Variants in POU2F1 observed in about 807,000 individuals in gnomAD.
POU2F1 encodes the protein POU class 2 homeobox 1.
A neutral mutation model predicts 84.9 loss-of-function variants in POU2F1; 16 were observed. The observed-to-expected ratio is 0.19, with a 90% confidence interval of 0.13 to 0.29. The LOEUF (loss-of-function observed/expected upper bound fraction) is 0.29. POU2F1 is among the 10% of genes least tolerant of loss of function. The pLI is 1.00. For synonymous variants in POU2F1, 368 were observed against 368.3 expected, an observed-to-expected ratio of 1.00 and a Z score of 0.01; for missense variants, 738 against 942.6, an observed-to-expected ratio of 0.78 and a Z score of 2.84.
chr1:167,422,422 C>T lies in POU2F1; in HGVS notation c.*6612C>T, dbSNP rs1346876980. The T allele has an allele frequency of 1.3e-5, 2 of 152,254 alleles. No individual in the cohort carries two copies. The highest frequency in any genetic ancestry group is 2.4e-5 in the African/African-American group (1 of 41,464). 9.4% of individuals were successfully genotyped at this position (152,254 alleles called of 1,614,324 possible). On this transcript the variant is annotated 3_prime_UTR_variant, in exon 16 of 16. Transcript: ENST00000367866. Reference sequence around the variant, plus strand: ...ACTTTAAAACCTTACTTACTTTTCTCATACCAAGGCTAGTTCTTTCTAGAC... The same window carrying T: ...ACTTTAAAACCTTACTTACTTTTCTTATACCAAGGCTAGTTCTTTCTAGAC...
At chr1:167,377,023 T>G (rs1005343385) in intron 7 of POU2F1, among the ~76,000 whole-genome samples, 7 of 152,128 alleles carry the variant, frequency 4.6e-5, no homozygotes, top group African/African-American at 1.7e-4. Flanking sequence ...GAAAATACAT[T>G]CATAGGCTTA....
chr1:167,258,991 C>T (rs1040228752), intron 1 of POU2F1, among the ~76,000 whole-genome samples: 1 of 152,090 alleles, frequency 6.6e-6, no homozygotes, highest in East Asian at 1.9e-4. Flanking sequence ...GTTTGCTAAC[C>T]CCTGTTTTTA....
At chr1:167,367,897 G>A (rs1026205248) in intron 3 of POU2F1, among the ~76,000 whole-genome samples, 10 of 151,588 alleles carry the variant, frequency 6.6e-5, no homozygotes, top group African/African-American at 1.5e-4. Flanking sequence ...GATTATAGGC[G>A]TACACCATGG....
rs530145295 is a variant in POU2F1 at position 167,370,215 on chromosome 1, G to T, written c.282+1G>T. 11 of 1,597,188 alleles carry T rather than the reference G, an allele frequency of 6.9e-6. No homozygotes were observed. The East Asian group carries it at 2.5e-4, about 36-fold the overall frequency. On this transcript the variant is annotated splice_donor_variant, in intron 4 of 15. Transcript: ENST00000367866. LOFTEE classifies it high-confidence loss of function. The stretch of plus-strand genomic sequence containing the variant: ...TGCTGCTCAGTCTTTAAATGTACAG[G>T]TAAGCTGGGACCTGGGATTATGGGT...
At chr1:167,400,492 G>A (rs749512747) in intron 12 of POU2F1, among the ~76,000 whole-genome samples, 2 of 152,150 alleles carry the variant, frequency 1.3e-5, no homozygotes, top group Non-Finnish European at 2.9e-5. Context: ...TTACACTCAC[G>A]TGATTAAGTG....
At chr1:167,353,938 T>C (rs1658764355) in intron 2 of POU2F1, among the ~76,000 whole-genome samples, 1 of 152,230 alleles carries the variant, frequency 6.6e-6, no homozygotes. Context: ...TGCTTTTCAC[T>C]CAAAATATTT....
chr1:167,241,552 A>G (rs1005576515), intron 1 of POU2F1: 1 of 152,204 alleles, frequency 6.6e-6, no homozygotes, highest in Non-Finnish European at 1.5e-5. Flanking sequence ...ATTAATGAGC[A>G]TACACCTTCA....
Position 167,332,361 on chromosome 1 carries a change from A to C in POU2F1, c.62-109A>C, listed in dbSNP as rs1557900815. The C allele has an allele frequency of 4.1e-6, 3 of 724,792 alleles. No homozygotes were observed. In the African/African-American group the frequency reaches 5.3e-5, roughly 13 times the overall value. The allele number at this position is 724,792 out of a possible 1,614,324, so 44.9% of individuals were successfully genotyped here. A position where few individuals can be genotyped will look rare whatever the true frequency, so the allele number is the denominator to read the frequency against. ...TGTATACACTGGGTCTTCTTAAACTATATGACTATAACATTAGTTAACCCT... is the reference window on the plus strand; with the variant it reads ...TGTATACACTGGGTCTTCTTAAACTCTATGACTATAACATTAGTTAACCCT... On this transcript the variant is annotated intron_variant, in intron 1 of 15. Transcript: ENST00000367866.
intron 1 of POU2F1, among the ~76,000 whole-genome samples, chr1:167,282,147 A>ATT (rs566582927): frequency 0.093 from 13,320 of 143,338 alleles, 1,850 homozygotes; most frequent in African/African-American, 0.31. Flanking sequence ...TTTTTTTCTT[A>ATT]TTTTTTTTTT....
At position 167,224,825 on chromosome 1, in the gene POU2F1, C is replaced by CTTTT. The variant is rs774351969; in HGVS notation, c.61+3884_61+3887dup. ...CTAGGAAATCCATTGTCACTGTCTTCTTTTTTTTTTTTTTTTTTTTCCAGA... is the reference window on the plus strand; with the variant it reads ...CTAGGAAATCCATTGTCACTGTCTTCTTTTTTTTTTTTTTTTTTTTTTTTCCAGA... On this transcript the variant is annotated intron_variant, in intron 1 of 15. Coordinates refer to ENST00000367866, the MANE Select transcript of POU2F1 (RefSeq NM_002697.4). Among the ~76,000 whole-genome samples the CTTTT allele has an allele frequency of 9.0e-5, 11 of 122,182 alleles. 1 individual carries two copies. Among genetic ancestry groups the CTTTT allele is most frequent in the African/African-American group, 1.3e-4 (4 of 31,744 alleles). The allele number at this position is 122,182 out of a possible 152,430, so 80.2% of individuals were successfully genotyped here.
intron 1 of POU2F1, among the ~76,000 whole-genome samples, chr1:167,325,634 G>A (rs1656647495): frequency 6.6e-6 from 1 of 152,102 alleles, no homozygotes; most frequent in Non-Finnish European, 1.5e-5. Context: ...GCTCATGCCT[G>A]TAATCCCAGC....
chr1:167,251,786 G>C (rs994135925), intron 1 of POU2F1, among the ~76,000 whole-genome samples: 2 of 151,412 alleles, frequency 1.3e-5, no homozygotes. Flanking sequence ...ACATATTACA[G>C]GTTTCATAAT....
chr1:167,320,027 G>A (rs1656197919), intron 1 of POU2F1, among the ~76,000 whole-genome samples: 1 of 152,208 alleles, frequency 6.6e-6, no homozygotes, highest in Admixed American at 6.5e-5. Flanking sequence ...TTGATTCCCT[G>A]CAGTCAAAGG....
intron 1 of POU2F1, among the ~76,000 whole-genome samples, chr1:167,265,973 T>A (rs963332577): frequency 2.6e-5 from 4 of 152,270 alleles, no homozygotes; most frequent in Admixed American, 2.6e-4. Flanking sequence ...CCTGTATACT[T>A]CTACAACTTG....
intron 1 of POU2F1, among the ~76,000 whole-genome samples, chr1:167,318,521 A>C (rs1426263762): frequency 6.6e-6 from 1 of 152,186 alleles, no homozygotes; most frequent in Non-Finnish European, 1.5e-5. Context: ...TTTTCTGACC[A>C]GGTCCAATCC....
At position 167,424,528 on chromosome 1, in the gene POU2F1, C is replaced by A. The variant is rs1650835799; in HGVS notation, c.*8718C>A. 1 of 152,266 alleles carries A rather than the reference C, an allele frequency of 6.6e-6. No homozygotes were observed. The highest frequency in any genetic ancestry group is 2.4e-5 in the African/African-American group (1 of 41,462). The allele number at this position is 152,266 out of a possible 1,614,324, so 9.4% of individuals were successfully genotyped here. On this transcript the variant is annotated 3_prime_UTR_variant, in exon 16 of 16. Transcript: ENST00000367866. The stretch of plus-strand genomic sequence containing the variant: ...CCAGGAGCTGTTGTATACCTCATTT[C>A]TAACTCGTGACCGAGTGACTTGCTT...
chr1:167,395,719 C>T (rs1459276726), intron 9 of POU2F1, among the ~76,000 whole-genome samples: 2 of 151,964 alleles, frequency 1.3e-5, no homozygotes, highest in African/African-American at 4.8e-5. Context: ...ATCCTTCCAC[C>T]TCAGCCTCCC....
intron 8 of POU2F1, among the ~76,000 whole-genome samples, chr1:167,385,095 A>C (rs376124403): frequency 1.3e-5 from 2 of 152,154 alleles, no homozygotes; most frequent in African/African-American, 4.8e-5. Context: ...AGAAATTTAC[A>C]GTACTTAGGG....
At chr1:167,322,181 A>G (rs768495940) in intron 1 of POU2F1, among the ~76,000 whole-genome samples, 29 of 152,214 alleles carry the variant, frequency 1.9e-4, no homozygotes, top group Admixed American at 2.0e-4. Context: ...AATTTGATTC[A>G]CCCAATAAGT....
Sources: allele counts gnomAD v4.1 joint callset (sites outside exome capture counted in the v4.1 genomes callset), GRCh38; gene constraint gnomAD v4.1.1; transcripts MANE v1.5; gene names NCBI Gene and HGNC (gene_info 2026-07-23, HGNC 2026-07-21).